The following RNF217 variants were observed in gnomAD, a reference collection of about 807,000 sequenced individuals.
RNF217 encodes the protein E3 ubiquitin-protein ligase RNF217.
RNF217 carries 31 observed loss-of-function variants against 57.8 expected under a neutral mutation model. The observed-to-expected ratio is 0.54, with a 90% confidence interval of 0.40 to 0.72. The LOEUF is 0.72. Among genes scored for constraint, RNF217 ranks in the 30% least tolerant of loss-of-function variants. The pLI, the probability that RNF217 is intolerant of heterozygous loss-of-function variation, is 0.00. For synonymous variants in RNF217, 313 were observed against 294.0 expected, an observed-to-expected ratio of 1.06 and a Z score of -0.66; for missense variants, 696 against 708.3, an observed-to-expected ratio of 0.98 and a Z score of 0.20.
In RNF217 at chr6:124,989,731, C is replaced by A. The variant is rs1344778746; in HGVS notation, c.882+26305C>A. Among the ~76,000 whole-genome samples the A allele has an allele frequency of 3.9e-5, 6 of 152,122 alleles. No homozygotes were observed. The East Asian group carries it at 9.7e-4, about 25-fold the overall frequency. On this transcript the variant is annotated intron_variant, in intron 1 of 5. Coordinates refer to ENST00000521654, the MANE Select transcript of RNF217 (RefSeq NM_001286398.3). Reference sequence around the variant, plus strand: ...GTAGAAATCATTCACAGGTCGTAGGCTGTACCAAACAGGCAGCAGGTTAGA... The same window carrying A: ...GTAGAAATCATTCACAGGTCGTAGGATGTACCAAACAGGCAGCAGGTTAGA...
rs182417527 is a variant in RNF217, at chr6:125,004,646, A to G, written c.883-40565A>G. On this transcript the variant is annotated intron_variant, in intron 1 of 5. Coordinates refer to ENST00000521654, the MANE Select transcript of RNF217 (RefSeq NM_001286398.3). ...TTCTAGTGAAGTGCTGTGAAGGCCTAAGTCTTTTTAAATGATCCTCTGTTT... is the reference window on the plus strand; with the variant it reads ...TTCTAGTGAAGTGCTGTGAAGGCCTGAGTCTTTTTAAATGATCCTCTGTTT... Among the ~76,000 whole-genome samples, 6 of 152,334 alleles carry G rather than the reference A, an allele frequency of 3.9e-5. No individual in the cohort carries two copies. The East Asian group carries it at 5.8e-4, about 15-fold the overall frequency.
intron 1 of RNF217, among the ~76,000 whole-genome samples, chr6:125,014,113 A>G (rs906783212): frequency 5.3e-5 from 8 of 152,130 alleles, no homozygotes; most frequent in Admixed American, 4.6e-4. Flanking sequence ...TGCTTAGACA[A>G]CCTCAGGTAG....
intron 3 of RNF217, among the ~76,000 whole-genome samples, chr6:125,059,690 G>T (rs1439261885): frequency 6.6e-6 from 1 of 152,078 alleles, no homozygotes; most frequent in African/African-American, 2.4e-5. Flanking sequence ...ACCTTAAATG[G>T]ACTATAATGT....
In RNF217 at chr6:125,025,775, GGGAA is replaced by G. The variant is rs554699700; in HGVS notation, c.883-19417_883-19414del. Among the ~76,000 whole-genome samples the G allele has an allele frequency of 3.3e-3, 467 of 142,072 alleles. 4 individuals carry two copies. Among genetic ancestry groups the G allele is most frequent in the African/African-American group, 0.012 (415 of 35,356 alleles). 93.2% of individuals were successfully genotyped at this position (142,072 alleles called of 152,430 possible). A position where few individuals can be genotyped will look rare whatever the true frequency, so the allele number is the denominator to read the frequency against. ...AGGGAAGGAGGGAGGGAGGGAGGGA[GGGAA>G]GGAAGGAAGGAAGGAAGGGATATTT... is the stretch of plus-strand genomic sequence containing the variant. On this transcript the variant is annotated intron_variant, in intron 1 of 5. Coordinates refer to ENST00000521654, the MANE Select transcript of RNF217 (RefSeq NM_001286398.3).
intron 1 of RNF217, among the ~76,000 whole-genome samples, chr6:124,979,350 C>T (rs190119329): frequency 1.1e-4 from 17 of 152,214 alleles, no homozygotes; most frequent in East Asian, 1.9e-4. Flanking sequence ...AGGAGTTAGG[C>T]GTGGGCAGCT....
Position 125,076,830 on chromosome 6 carries a change from AAGG to A in RNF217, c.1458_1460del (p.Arg487del). 6.2e-7 allele frequency: 1 copy of A among 1,613,500 alleles called. No homozygotes were observed. Among genetic ancestry groups the A allele is most frequent in the Non-Finnish European group, 8.5e-7 (1 of 1,179,620 alleles). The stretch of plus-strand genomic sequence containing the variant: ...GCTACCTCCCAGAGAGACCTCATTT[AAGG>A]AGATTAGTGCGAGGGTCAGTCTGTG... On this transcript the variant is annotated inframe_deletion, in exon 4 of 6. Coordinates refer to ENST00000521654, the MANE Select transcript of RNF217 (RefSeq NM_001286398.3).
chr6:124,999,908 C>T (rs1784909961), intron 1 of RNF217, among the ~76,000 whole-genome samples: 1 of 152,012 alleles, frequency 6.6e-6, no homozygotes, highest in African/African-American at 2.4e-5. Context: ...ACAATTATAC[C>T]ACCAATAGCT....
chr6:124,979,894 A>G (rs756965815), intron 1 of RNF217, among the ~76,000 whole-genome samples: 1 of 152,194 alleles, frequency 6.6e-6, no homozygotes, highest in African/African-American at 2.4e-5. Flanking sequence ...CTAGTGTACA[A>G]GTGGTGGAGA....
chr6:125,056,320 A>G (rs1787521814), intron 2 of RNF217, among the ~76,000 whole-genome samples: 1 of 152,146 alleles, frequency 6.6e-6, no homozygotes, highest in East Asian at 1.9e-4. Flanking sequence ...GATGATGTTC[A>G]TATCTACCTT....
chr6:125,088,778 T>C lies in RNF217; in HGVS notation c.*5841T>C, dbSNP rs1788850627. The C allele has an allele frequency of 6.6e-6, 1 of 152,308 alleles. No homozygotes were observed. Among genetic ancestry groups the C allele is most frequent in the Non-Finnish European group, 1.5e-5 (1 of 68,020 alleles). The allele number at this position is 152,308 out of a possible 1,614,324, so 9.4% of individuals were successfully genotyped here. A position where few individuals can be genotyped will look rare whatever the true frequency, so the allele number is the denominator to read the frequency against. ...TCTAACTTTGTATCACTTAAATTAT[T>C]CAGACTTACTAAGATAAAAAATACT... is the stretch of plus-strand genomic sequence containing the variant. On this transcript the variant is annotated 3_prime_UTR_variant, in exon 6 of 6. Transcript: ENST00000521654.
Position 124,979,351 on chromosome 6 carries a change from G to A in RNF217, c.882+15925G>A, listed in dbSNP as rs77556648. 1.9e-4 allele frequency among the ~76,000 whole-genome samples: 29 copies of A among 152,318 alleles called. No homozygotes were observed. The East Asian group carries it at 5.0e-3, about 26-fold the overall frequency. On this transcript the variant is annotated intron_variant, in intron 1 of 5. Coordinates refer to ENST00000521654, the MANE Select transcript of RNF217 (RefSeq NM_001286398.3). ...GGAGGGTAGGAGAAAGGAGTTAGGC[G>A]TGGGCAGCTCTCTAAGTGAGCAAGC... is the stretch of plus-strand genomic sequence containing the variant.
At chr6:125,061,768 A>AT (rs764554068) in intron 3 of RNF217, among the ~76,000 whole-genome samples, 74 of 152,000 alleles carry the variant, frequency 4.9e-4, no homozygotes, top group Non-Finnish European at 8.5e-4. Flanking sequence ...ATATATTTAC[A>AT]TATCTTTGTA....
intron 1 of RNF217, among the ~76,000 whole-genome samples, chr6:124,979,360 T>C (rs1167178484): frequency 6.6e-6 from 1 of 152,098 alleles, no homozygotes; most frequent in Admixed American, 6.5e-5. Context: ...CGTGGGCAGC[T>C]CTCTAAGTGA....
chr6:125,026,146 T>C (rs932655592), intron 1 of RNF217, among the ~76,000 whole-genome samples: 4 of 152,146 alleles, frequency 2.6e-5, no homozygotes, highest in African/African-American at 9.7e-5. Flanking sequence ...CTGCCTTTGA[T>C]GAAGTACTTA....
chr6:125,011,566 T>C (rs1785415930), intron 1 of RNF217, among the ~76,000 whole-genome samples: 1 of 152,134 alleles, frequency 6.6e-6, no homozygotes, highest in Admixed American at 6.6e-5. Flanking sequence ...TATAATTACT[T>C]GGAAAAAAAT....
chr6:125,083,173 T>C lies in RNF217; in HGVS notation c.*236T>C. ...AAAAAATGGTCACTTTCATAAACTA[T>C]AAACATCTATATCATAACTCTGACC... On this transcript the variant is annotated 3_prime_UTR_variant, in exon 6 of 6. Transcript: ENST00000521654. 1 of 397,712 alleles carries C rather than the reference T, an allele frequency of 2.5e-6. No individual in the cohort carries two copies. 24.6% of individuals were successfully genotyped at this position (397,712 alleles called of 1,614,324 possible). A position where few individuals can be genotyped will look rare whatever the true frequency, so the allele number is the denominator to read the frequency against.
intron 1 of RNF217, among the ~76,000 whole-genome samples, chr6:124,966,987 G>T (rs1197630111): frequency 3.3e-5 from 5 of 152,208 alleles, no homozygotes; most frequent in African/African-American, 1.2e-4. Context: ...TAACTTTACA[G>T]TGCAGTAGCT....
intron 3 of RNF217, among the ~76,000 whole-genome samples, chr6:125,073,618 T>C (rs1006385509): frequency 1.3e-5 from 2 of 152,134 alleles, no homozygotes; most frequent in African/African-American, 4.8e-5. Context: ...CATGATTTGT[T>C]GGTAACTCTC....
rs954911453 is a variant in RNF217, at chr6:125,027,672, C to G, written c.883-17539C>G. On this transcript the variant is annotated intron_variant, in intron 1 of 5. Transcript: ENST00000521654. ...TCCTCTCTTTTGGGTATATACCCAG[C>G]AGTGGGATTGCTGGATCATATGGTA... Among the ~76,000 whole-genome samples, 4 of 152,150 alleles carry G rather than the reference C, an allele frequency of 2.6e-5. No individual in the cohort carries two copies. The South Asian group carries it at 6.2e-4, about 24-fold the overall frequency.
Sources: allele counts gnomAD v4.1 joint callset (sites outside exome capture counted in the v4.1 genomes callset), GRCh38; gene constraint gnomAD v4.1.1; transcripts MANE v1.5; gene names NCBI Gene and HGNC (gene_info 2026-07-23, HGNC 2026-07-21).